Variants in LRBA observed in about 807,000 individuals in gnomAD.
The protein encoded by LRBA is LPS responsive beige-like anchor protein.
In LRBA, 176 loss-of-function variants were observed where a neutral mutation model predicts 330.0. The observed-to-expected ratio is 0.53, with a 90% CI of 0.47 to 0.60. LRBA has a LOEUF of 0.60. Among genes scored for constraint, LRBA ranks in the 20% least tolerant of loss-of-function variants. The pLI is 0.00. For missense variants in LRBA, 3,259 were observed against 3,444.8 expected (o/e 0.95, Z 1.35); for synonymous variants, 1,230 against 1,193.0 (o/e 1.03, Z -0.64).
At chr4:150,919,227 T>C (rs565786608) in intron 5 of LRBA, among the ~76,000 whole-genome samples, 4 of 152,292 alleles carry the variant, frequency 2.6e-5, no homozygotes, top group African/African-American at 9.6e-5. Context: ...GAGTGGCTGC[T>C]AATCAGTATG....
At position 150,831,935 on chromosome 4, in the gene LRBA, T is replaced by C. The variant is rs766459943; in HGVS notation, c.4611A>G (p.Val1537=). Residue 1537 remains valine, a synonymous_variant, in exon 29 of 57, where the codon GTA becomes GTG. Coordinates refer to ENST00000651943, the MANE Select transcript of LRBA (RefSeq NM_001364905.1). ...KQAQFLALAV[V]YFISVLMVSK... ...AGACCATAAGAACAGAGATAAAGTA[T>C]ACTACTGCCAAGGCTAAAAATTGAG... 3 of 1,574,588 alleles carry C rather than the reference T, an allele frequency of 1.9e-6. No individual in the cohort carries two copies. The African/African-American group carries it at 4.1e-5, about 21-fold the overall frequency.
At chr4:150,537,954 CA>C (rs1030165722) in intron 40 of LRBA, among the ~76,000 whole-genome samples, 5 of 141,506 alleles carry the variant, frequency 3.5e-5, no homozygotes, top group Non-Finnish European at 4.7e-5. Flanking sequence ...GACTCTGTCT[CA>C]AAAAAAAAAG....
At chr4:150,601,244 T>C (rs1344745021) in intron 37 of LRBA, among the ~76,000 whole-genome samples, 2 of 152,232 alleles carry the variant, frequency 1.3e-5, no homozygotes, top group African/African-American at 4.8e-5. Flanking sequence ...TCAAATTAAA[T>C]GATGTCATTC....
At chr4:150,359,328 A>C (rs147956624) in intron 47 of LRBA, among the ~76,000 whole-genome samples, 140 of 152,318 alleles carry the variant, frequency 9.2e-4, no homozygotes, top group Middle Eastern at 3.4e-3. Context: ...GAAGAAGGAA[A>C]GGGGAGCAAA....
chr4:150,667,014 A>T (rs1299653837), intron 37 of LRBA, among the ~76,000 whole-genome samples: 1 of 152,142 alleles, frequency 6.6e-6, no homozygotes, highest in South Asian at 2.1e-4. Context: ...ACACCCAAAA[A>T]CCAAGTGCTC....
At chr4:150,853,828 A>G (rs1364042707) in intron 22 of LRBA, among the ~76,000 whole-genome samples, 1 of 152,142 alleles carries the variant, frequency 6.6e-6, no homozygotes, top group Non-Finnish European at 1.5e-5. Flanking sequence ...TGCCAGAAAA[A>G]CCTATAACAC....
intron 49 of LRBA, among the ~76,000 whole-genome samples, chr4:150,325,276 G>A (rs1289445679): frequency 6.6e-6 from 1 of 152,138 alleles, no homozygotes; most frequent in African/African-American, 2.4e-5. Context: ...CTAACCCTCA[G>A]AATCATGAGA....
intron 40 of LRBA, among the ~76,000 whole-genome samples, chr4:150,516,284 T>G (rs1762355445): frequency 7.2e-6 from 1 of 138,818 alleles, no homozygotes; most frequent in African/African-American, 2.7e-5. Context: ...ATAGCACAGC[T>G]TAATGTGGAA....
intron 22 of LRBA, among the ~76,000 whole-genome samples, chr4:150,858,383 CTT>C (rs111957809): frequency 2.1e-5 from 3 of 142,624 alleles, no homozygotes; most frequent in African/African-American, 2.6e-5. Context: ...CTCTCTTTTT[CTT>C]TTTTTTTTTT....
intron 36 of LRBA, among the ~76,000 whole-genome samples, chr4:150,719,336 A>G (rs377345085): frequency 1.3e-5 from 2 of 152,168 alleles, no homozygotes; most frequent in African/African-American, 2.4e-5. Flanking sequence ...AAATTTAAAA[A>G]AAGTGCAATC....
At chr4:150,683,014 T>C (rs941175137) in intron 37 of LRBA, among the ~76,000 whole-genome samples, 5 of 152,068 alleles carry the variant, frequency 3.3e-5, no homozygotes, top group African/African-American at 1.2e-4. Context: ...GGTAGATATA[T>C]TGAGTAAAAC....
chr4:150,908,406 T>C lies in LRBA; in HGVS notation c.1421A>G (p.Gln474Arg). Residue 474 changes from glutamine to arginine, a missense_variant, in exon 11 of 57, where the codon CAA becomes CGA. Gln to Arg is a conservative substitution (Grantham distance 43). Coordinates refer to ENST00000651943, the MANE Select transcript of LRBA (RefSeq NM_001364905.1). ...QSAMHSIGGVQVLFPLFAQLD... is the reference protein window; with the variant it reads ...QSAMHSIGGVRVLFPLFAQLD... The stretch of plus-strand genomic sequence containing the variant: ...CTGTGCAAAAAGTGGAAATAGTACT[T>C]GTACTCCTCCAATTGAATGCATTGC... 1 of 1,610,576 alleles carries C rather than the reference T, an allele frequency of 6.2e-7. No individual in the cohort carries two copies. Among genetic ancestry groups the C allele is most frequent in the Non-Finnish European group, 8.5e-7 (1 of 1,178,978 alleles).
At chr4:150,470,554 A>C (rs868664) in intron 43 of LRBA, among the ~76,000 whole-genome samples, 115,923 of 151,924 alleles carry the variant, frequency 0.76, 47,615 homozygotes, top group Non-Finnish European at 0.92. Context: ...ATCCTCCTTG[A>C]CCTATACTTC....
chr4:150,690,842 G>C (rs1033296793), intron 36 of LRBA, among the ~76,000 whole-genome samples: 2 of 151,658 alleles, frequency 1.3e-5, no homozygotes, highest in African/African-American at 4.8e-5. Context: ...TGTTAGACTG[G>C]ACAGCATAAC....
intron 46 of LRBA, among the ~76,000 whole-genome samples, chr4:150,424,012 C>T (rs552395949): frequency 6.6e-6 from 1 of 152,274 alleles, no homozygotes. Context: ...CATTGTATTT[C>T]GCTAACACAG....
chr4:150,409,266 C>G (rs779205469), intron 47 of LRBA, among the ~76,000 whole-genome samples: 3 of 151,964 alleles, frequency 2.0e-5, no homozygotes, highest in Non-Finnish European at 4.4e-5. Flanking sequence ...AGAAATCAAC[C>G]CTGCTAAACT....
intron 37 of LRBA, among the ~76,000 whole-genome samples, chr4:150,641,345 C>T (rs1182955408): frequency 1.3e-5 from 2 of 152,106 alleles, no homozygotes; most frequent in Non-Finnish European, 2.9e-5. Flanking sequence ...CCACTCTCTT[C>T]ATATTCTAAC....
In LRBA at chr4:150,897,891, T is replaced by C. The variant is rs544396134; in HGVS notation, c.1925-73A>G. 29 of 969,156 alleles carry C rather than the reference T, an allele frequency of 3.0e-5. No individual in the cohort carries two copies. The African/African-American group carries it at 4.2e-4, about 14-fold the overall frequency. The allele number at this position is 969,156 out of a possible 1,614,324, so 60.0% of individuals were successfully genotyped here. On this transcript the variant is annotated intron_variant, in intron 14 of 56. Transcript: ENST00000651943. Reference sequence around the variant, plus strand: ...AAGCTGTCAAAGTATAAAATTCTCATTCCCAACAGCTTTTCCATGTGTTTG... The same window carrying C: ...AAGCTGTCAAAGTATAAAATTCTCACTCCCAACAGCTTTTCCATGTGTTTG...
intron 40 of LRBA, among the ~76,000 whole-genome samples, chr4:150,558,678 C>T (rs920979875): frequency 6.6e-6 from 1 of 152,136 alleles, no homozygotes; most frequent in Non-Finnish European, 1.5e-5. Context: ...ATTCTCATTG[C>T]TACTGGAGTG....
Sources: allele counts gnomAD v4.1 joint callset (sites outside exome capture counted in the v4.1 genomes callset), GRCh38; gene constraint gnomAD v4.1.1; transcripts MANE v1.5; gene names NCBI Gene and HGNC (gene_info 2026-07-23, HGNC 2026-07-21).